FGF13: variants seen among roughly 807,000 people sequenced by gnomAD.
FGF13 encodes fibroblast growth factor homologous factor 2.
FGF13 carries 2 observed loss-of-function variants against 19.5 expected under a neutral mutation model. That is an observed-to-expected ratio of 0.10 (90% CI 0.04 to 0.32). The LOEUF (loss-of-function observed/expected upper bound fraction) is 0.32. Among genes scored for constraint, FGF13 ranks in the 10% least tolerant of loss-of-function variants. The pLI is 1.00. For synonymous variants in FGF13, 72 were observed against 76.9 expected (o/e 0.94, Z 0.33); for missense variants, 113 against 192.7 (o/e 0.59, Z 2.45).
chrX:138,856,387 T>G (rs1443964416), downstream of FGF13, among the ~76,000 whole-genome samples: 1 of 111,851 alleles, frequency 8.9e-6, no homozygotes, highest in East Asian at 2.8e-4. Context: ...CTTCCAAAAC[T>G]ACGGACTAGA....
rs1248659656 is a variant in FGF13 at position 138,984,515 on chromosome X, G to C, written c.-112-119865C>G. Among the ~76,000 whole-genome samples, 7 of 22,685 alleles carry C rather than the reference G, an allele frequency of 3.1e-4. 1 individual carries two copies. Among genetic ancestry groups the C allele is most frequent in the Middle Eastern group, 0.018 (1 of 55 alleles). The allele number at this position is 22,685 out of a possible 115,157, so 19.7% of individuals were successfully genotyped here. A position where few individuals can be genotyped will look rare whatever the true frequency, so the allele number is the denominator to read the frequency against. ...AGAAGGAGAAGGAGAAGAAGAGGAA[G>C]AAGAAGAGGAAGAAGAAGAAGAAGA... is the stretch of plus-strand genomic sequence containing the variant. On this transcript the variant is annotated intron_variant, in intron 1 of 2. Transcript: ENST00000421460.
chrX:138,884,584 C>T (rs1420286746), intron 1 of FGF13, among the ~76,000 whole-genome samples: 1 of 112,255 alleles, frequency 8.9e-6, no homozygotes, highest in Non-Finnish European at 1.9e-5. Flanking sequence ...ATTTCCCCTT[C>T]TTAAAGTTGA....
intron 3 of FGF13, among the ~76,000 whole-genome samples, chrX:138,819,630 G>A (rs1451523233): frequency 1.8e-5 from 2 of 111,467 alleles, no homozygotes; most frequent in Non-Finnish European, 3.8e-5. Flanking sequence ...TAAAAGGGAT[G>A]GCCAAATGGT....
intron 1 of FGF13, among the ~76,000 whole-genome samples, chrX:138,910,020 C>A (rs1344310037): frequency 9.0e-6 from 1 of 111,172 alleles, no homozygotes; most frequent in Non-Finnish European, 1.9e-5. Context: ...TCAAAAGCCC[C>A]AGAGACAGTT....
chrX:139,130,143 G>T (rs1401825034), intron 1 of FGF13, among the ~76,000 whole-genome samples: 3 of 111,688 alleles, frequency 2.7e-5, no homozygotes, highest in African/African-American at 9.8e-5. Context: ...TACAAATTTT[G>T]CTAGCAATTT....
At chrX:139,135,429 C>T (rs982804223) in intron 1 of FGF13, among the ~76,000 whole-genome samples, 3 of 112,202 alleles carry the variant, frequency 2.7e-5, no homozygotes, top group South Asian at 3.7e-4. Flanking sequence ...CATTTTACTG[C>T]GGAGATCTGA....
chrX:139,125,591 T>C (rs749510262), intron 1 of FGF13, among the ~76,000 whole-genome samples: 1 of 111,729 alleles, frequency 9.0e-6, no homozygotes, highest in African/African-American at 3.2e-5. Context: ...CAAAAGAATC[T>C]GATACCAGTT....
chrX:138,748,230 T>C (rs965477159), intron 3 of FGF13, among the ~76,000 whole-genome samples: 1 of 111,970 alleles, frequency 8.9e-6, no homozygotes, highest in Non-Finnish European at 1.9e-5. Flanking sequence ...ATACCTGTTA[T>C]GAACTGAATT....
chrX:138,767,342 C>T (rs1188161859), intron 3 of FGF13, among the ~76,000 whole-genome samples: 2 of 111,936 alleles, frequency 1.8e-5, no homozygotes, highest in Non-Finnish European at 3.8e-5. Context: ...TGTTTCCAGG[C>T]ATTCAATGAT....
intron 1 of FGF13, among the ~76,000 whole-genome samples, chrX:139,038,513 A>G (rs1014474326): frequency 9.0e-6 from 1 of 111,569 alleles, no homozygotes; most frequent in Non-Finnish European, 1.9e-5. Context: ...ACTTTTCTAA[A>G]TAAAGGATAG....
At chrX:138,858,482 C>T (rs1428590704) in intron 2 of FGF13, among the ~76,000 whole-genome samples, 1 of 112,042 alleles carries the variant, frequency 8.9e-6, no homozygotes, top group African/African-American at 3.3e-5. Context: ...TTCACTGCTA[C>T]ATTCTCTATT....
chrX:139,010,861 A>G (rs2092125103), intron 1 of FGF13, among the ~76,000 whole-genome samples: 1 of 111,626 alleles, frequency 9.0e-6, no homozygotes. Context: ...TAATGAAACA[A>G]AAAGCTGGTT....
intron 3 of FGF13, among the ~76,000 whole-genome samples, chrX:138,658,799 G>A (rs1380495516): frequency 1.8e-5 from 2 of 111,566 alleles, no homozygotes; most frequent in East Asian, 2.8e-4. Flanking sequence ...CAAGTTAAGG[G>A]ATGATAAATA....
At chrX:138,832,607 A>T (rs1168515471) in intron 3 of FGF13, among the ~76,000 whole-genome samples, 1 of 111,769 alleles carries the variant, frequency 8.9e-6, no homozygotes, top group Non-Finnish European at 1.9e-5. Context: ...CCCATTCTGT[A>T]GGTTGTCTGT....
At chrX:138,693,339 T>A (rs748373277) in intron 3 of FGF13, among the ~76,000 whole-genome samples, 1 of 112,007 alleles carries the variant, frequency 8.9e-6, no homozygotes, top group Non-Finnish European at 1.9e-5. Flanking sequence ...AAGACTTTCA[T>A]CTTAATAACA....
At chrX:139,201,482 G>T (rs1402389450) in intron 1 of FGF13, among the ~76,000 whole-genome samples, 1 of 111,925 alleles carries the variant, frequency 8.9e-6, no homozygotes, top group Non-Finnish European at 1.9e-5. Flanking sequence ...TAAATTATTT[G>T]ATTTCATCCA....
At chrX:138,841,181 T>C (rs2091147585) in intron 3 of FGF13, among the ~76,000 whole-genome samples, 1 of 111,412 alleles carries the variant, frequency 9.0e-6, no homozygotes, top group Non-Finnish European at 1.9e-5. Flanking sequence ...TTACAAAATG[T>C]TACTTTTCCT....
intron 1 of FGF13, among the ~76,000 whole-genome samples, chrX:138,969,722 C>T (rs759064858): frequency 8.3e-4 from 92 of 111,436 alleles, no homozygotes; most frequent in Non-Finnish European, 1.4e-3. Flanking sequence ...CTTGTCATTG[C>T]CTCCCGTGTA....
intron 1 of FGF13, among the ~76,000 whole-genome samples, chrX:139,068,160 G>C (rs1297383892): frequency 2.2e-5 from 2 of 91,089 alleles, no homozygotes; most frequent in Non-Finnish European, 2.1e-5. Flanking sequence ...ATTGATTTTT[G>C]TATAAGGTGT....
Sources: allele counts gnomAD v4.1 joint callset (sites outside exome capture counted in the v4.1 genomes callset), GRCh38; gene constraint gnomAD v4.1.1; transcripts MANE v1.5; gene names NCBI Gene and HGNC (gene_info 2026-07-23, HGNC 2026-07-21).